Variants in GART observed in about 807,000 individuals in gnomAD.
The protein encoded by GART is phosphoribosylglycinamide formyltransferase, phosphoribosylglycinamide synthetase, phosphoribosylaminoimidazole synthetase, also known as trifunctional purine biosynthetic protein adenosine-3.
GART carries 43 observed loss-of-function variants against 107.2 expected under a neutral mutation model. That is an observed-to-expected ratio of 0.40 (90% CI 0.31 to 0.52). The LOEUF (loss-of-function observed/expected upper bound fraction) is 0.52. Ranked by LOEUF, GART falls within the 20% of genes least tolerant of loss-of-function variation. The pLI, the probability that GART is intolerant of heterozygous loss-of-function variation, is 0.52. For synonymous variants in GART, 434 were observed against 427.0 expected, an observed-to-expected ratio of 1.02 and a Z score of -0.20; for missense variants, 1,107 against 1,206.5, an observed-to-expected ratio of 0.92 and a Z score of 1.22.
At chr21:33,520,145 G>A (rs994135557) in intron 14 of GART, among the ~76,000 whole-genome samples, 9 of 152,132 alleles carry the variant, frequency 5.9e-5, no homozygotes, top group Admixed American at 2.6e-4. Context: ...TTGGGAGTAC[G>A]GGTCTAGAGG....
chr21:33,504,042 G>T lies in GART; in HGVS notation c.*82C>A. ...TTTGTCTTTTAGCAGTTTTTCTTTTGGGCCAAGTCCATGATAAAAAACCAC... is the reference window on the plus strand; with the variant it reads ...TTTGTCTTTTAGCAGTTTTTCTTTTTGGCCAAGTCCATGATAAAAAACCAC... On this transcript the variant is annotated 3_prime_UTR_variant, in exon 22 of 22. Coordinates refer to ENST00000381815, the MANE Select transcript of GART (RefSeq NM_000819.5). 1 of 1,302,494 alleles carries T rather than the reference G, an allele frequency of 7.7e-7. No homozygotes were observed. 80.7% of individuals were successfully genotyped at this position (1,302,494 alleles called of 1,614,324 possible).
intron 6 of GART, 92 bp from the exon 7 acceptor site, chr21:33,530,976 C>CT (rs1201145762): frequency 8.6e-7 from 1 of 1,160,278 alleles, no homozygotes; most frequent in East Asian, 3.3e-5. Context: ...CTTAATTCTT[C>CT]TTTGAGGAAA....
intron 2 of GART, among the ~76,000 whole-genome samples, chr21:33,536,287 G>A (rs1601229711): frequency 6.6e-6 from 1 of 152,144 alleles, no homozygotes; most frequent in African/African-American, 2.4e-5. Context: ...CTGCAAGTCA[G>A]GTAAATTTTC....
intron 16 of GART, among the ~76,000 whole-genome samples, chr21:33,513,263 C>A (rs1175889444): frequency 6.6e-6 from 1 of 152,032 alleles, no homozygotes; most frequent in Non-Finnish European, 1.5e-5. Flanking sequence ...CCATGCCCAG[C>A]CTGAAGTTGA....
In GART at chr21:33,534,695, C is replaced by G. The variant is rs372963713; in HGVS notation, c.300G>C (p.Ala100=). The G allele has an allele frequency of 5.0e-6, 8 of 1,612,434 alleles. No homozygotes were observed. Among genetic ancestry groups the G allele is most frequent in the Non-Finnish European group, 6.8e-6 (8 of 1,179,336 alleles). Residue 100 remains alanine, a synonymous_variant, in exon 4 of 22, where the codon GCG becomes GCC. Coordinates refer to ENST00000381815, the MANE Select transcript of GART (RefSeq NM_000819.5). The part of the protein sequence containing the change: ...GVQCFGPTAE[A]AQLESSKRFA... ...ACCTTTTGCTGGACTCTAACTGAGC[C>G]GCTTCTGCTGTTGGGCCAAAGCATT...
chr21:33,540,896 G>A (rs2085401480), intron 1 of GART, among the ~76,000 whole-genome samples: 1 of 152,132 alleles, frequency 6.6e-6, no homozygotes, highest in Admixed American at 6.5e-5. Context: ...CCAATTTGCA[G>A]ATAAGACAAG....
intron 11 of GART, among the ~76,000 whole-genome samples, chr21:33,523,119 G>C (rs183359564): frequency 1.4e-4 from 22 of 152,312 alleles, no homozygotes; most frequent in African/African-American, 4.6e-4. Context: ...TCAAATTTTT[G>C]AATGACACTG....
intron 9 of GART, 81 bp downstream of exon 9, chr21:33,528,438 T>TA (rs769510389): frequency 1.6e-5 from 24 of 1,539,454 alleles, no homozygotes; most frequent in Non-Finnish European, 2.0e-5. Flanking sequence ...TTCCCAAAGG[T>TA]AATTACTTCC....
intron 18 of GART, among the ~76,000 whole-genome samples, chr21:33,507,646 C>T (rs2084705653): frequency 6.6e-6 from 1 of 152,118 alleles, no homozygotes; most frequent in Non-Finnish European, 1.5e-5. Context: ...GCCTGGCCAA[C>T]ATGATGAAAC....
rs769029611 is a variant in GART at position 33,535,209 on chromosome 21, C to G, written c.241+16G>C. ...GCACTGAATATACTGTAACAATAAA[C>G]AGAAACAAACTTTACCAGCAGCCAG... On this transcript the variant is annotated intron_variant, in intron 3 of 21. Coordinates refer to ENST00000381815, the MANE Select transcript of GART (RefSeq NM_000819.5). 5 of 1,515,690 alleles carry G rather than the reference C, an allele frequency of 3.3e-6. No individual in the cohort carries two copies. The highest frequency in any genetic ancestry group is 4.5e-6 in the Non-Finnish European group (5 of 1,120,752). 93.9% of individuals were successfully genotyped at this position (1,515,690 alleles called of 1,614,324 possible).
intron 9 of GART, 29 bp from the exon 10 acceptor site, chr21:33,528,364 G>A (rs1569027860): frequency 6.2e-7 from 1 of 1,608,214 alleles, no homozygotes. Flanking sequence ...CATGGCAGGT[G>A]GGATAAATTT....
intron 17 of GART, among the ~76,000 whole-genome samples, 183 bp downstream of exon 17, chr21:33,511,069 C>T (rs899039821): frequency 1.3e-5 from 2 of 152,066 alleles, no homozygotes; most frequent in African/African-American, 2.4e-5. Flanking sequence ...AGTTCTGAGG[C>T]AGAAATGAAG....
chr21:33,521,935 G>T (rs1393410685), intron 12 of GART, among the ~76,000 whole-genome samples: 1 of 103,258 alleles, frequency 9.7e-6, no homozygotes, highest in Non-Finnish European at 1.9e-5. Context: ...CTCCAGCCTG[G>T]GCAAGACTCT....
intron 4 of GART, among the ~76,000 whole-genome samples, chr21:33,533,747 A>G (rs1178941889): frequency 2.0e-5 from 3 of 152,076 alleles, no homozygotes; most frequent in Admixed American, 2.0e-4. Flanking sequence ...TCTACAAAAA[A>G]TATAAAAACT....
chr21:33,539,454 A>G, intron 1 of GART, 98 bp from the exon 2 acceptor site: 1 of 769,520 alleles, frequency 1.3e-6, no homozygotes, highest in Non-Finnish European at 2.0e-6. Context: ...GCATTTTGGG[A>G]GGCCGAGGCA....
At position 33,527,515 on chromosome 21, in the gene GART, G is replaced by GA. The variant is rs200954187; in HGVS notation, c.1066+651dup. On this transcript the variant is annotated intron_variant, in intron 10 of 21. Coordinates refer to ENST00000381815, the MANE Select transcript of GART (RefSeq NM_000819.5). ...GGGTGACAGAGCTAGAGTCTATCTC[G>GA]AAAAAAAAAGGAAACCCCCCAAATA... 3.9e-3 allele frequency among the ~76,000 whole-genome samples: 589 copies of GA among 149,576 alleles called. 1 individual carries two copies. The highest frequency in any genetic ancestry group is 0.01 in the Middle Eastern group (3 of 290).
chr21:33,517,199 A>G (rs570958656), intron 15 of GART, 58 bp from the exon 16 acceptor site: 1 of 1,565,490 alleles, frequency 6.4e-7, no homozygotes, highest in African/African-American at 1.4e-5. Context: ...CCAAAACATA[A>G]AAATCAACCT....
chr21:33,524,360 G>T (rs1163321464), intron 11 of GART: 2 of 771,680 alleles, frequency 2.6e-6, no homozygotes, highest in Non-Finnish European at 3.2e-6. Context: ...ACTGGCCTTG[G>T]CAACATGGTG....
chr21:33,508,811 G>A (rs991270770), intron 18 of GART, among the ~76,000 whole-genome samples: 6 of 151,978 alleles, frequency 3.9e-5, no homozygotes, highest in Admixed American at 2.6e-4. Context: ...CACAGCACCC[G>A]GCCCTATTGT....
Sources: gnomAD v4.1 joint callset for allele counts (sites outside exome capture counted in the v4.1 genomes callset) on GRCh38, gnomAD v4.1.1 for gene constraint, MANE v1.5 for transcripts, NCBI Gene and HGNC (gene_info 2026-07-23, HGNC 2026-07-21) for gene names.